Variants in TRPS1 observed in about 807,000 individuals in gnomAD.
The protein encoded by TRPS1 is zinc finger transcription factor Trps1.
Under a neutral mutation model 101.2 loss-of-function variants are expected in TRPS1, and 6 were observed. The ratio of observed to expected loss-of-function variants is 0.06; its 90% CI spans 0.03 to 0.12. The LOEUF (loss-of-function observed/expected upper bound fraction) is 0.12. TRPS1 is among the 10% of genes least tolerant of loss of function. The pLI, the probability that TRPS1 is intolerant of heterozygous loss-of-function variation, is 1.00. For missense variants in TRPS1, 1,363 were observed against 1,567.0 expected (o/e 0.87, Z 2.20); for synonymous variants, 578 against 589.8 (o/e 0.98, Z 0.29).
At chr8:115,526,185 T>C (rs1189329669) in intron 5 of TRPS1, among the ~76,000 whole-genome samples, 1 of 152,162 alleles carries the variant, frequency 6.6e-6, no homozygotes, top group Non-Finnish European at 1.5e-5. Flanking sequence ...AGTGCGTGCC[T>C]GTAATCCCAG....
intron 5 of TRPS1, among the ~76,000 whole-genome samples, chr8:115,431,404 A>ATT (rs1813314909): frequency 6.6e-6 from 1 of 152,040 alleles, no homozygotes; most frequent in African/African-American, 2.4e-5. Flanking sequence ...AAACTCCCTT[A>ATT]TATAAGAAAC....
At chr8:115,646,308 A>G (rs1563667584) in intron 1 of TRPS1, among the ~76,000 whole-genome samples, 1 of 152,172 alleles carries the variant, frequency 6.6e-6, no homozygotes, top group Non-Finnish European at 1.5e-5. Context: ...GACTGGTTTT[A>G]TTCCAACAGA....
At chr8:115,566,789 A>G (rs1488467871) in intron 5 of TRPS1, among the ~76,000 whole-genome samples, 3 of 152,096 alleles carry the variant, frequency 2.0e-5, no homozygotes, top group African/African-American at 4.8e-5. Context: ...TAGTGAGATG[A>G]TATGTTTTCA....
At chr8:115,570,253 G>A (rs758393682) in intron 5 of TRPS1, among the ~76,000 whole-genome samples, 1 of 151,848 alleles carries the variant, frequency 6.6e-6, no homozygotes, top group Non-Finnish European at 1.5e-5. Flanking sequence ...AAGGTTATTG[G>A]AAATAATGCA....
At chr8:115,569,027 G>A (rs1817138345) in intron 5 of TRPS1, among the ~76,000 whole-genome samples, 1 of 152,106 alleles carries the variant, frequency 6.6e-6, no homozygotes, top group Non-Finnish European at 1.5e-5. Context: ...AAGTAACAAA[G>A]TGGAGTTTCA....
intron 5 of TRPS1, among the ~76,000 whole-genome samples, chr8:115,580,698 T>G (rs1433750490): frequency 2.0e-5 from 3 of 152,330 alleles, no homozygotes; most frequent in Non-Finnish European, 2.9e-5. Context: ...CTTCACCTGC[T>G]TTAGAAACCT....
chr8:115,545,460 T>C (rs1181367488), intron 5 of TRPS1, among the ~76,000 whole-genome samples: 34 of 152,180 alleles, frequency 2.2e-4, no homozygotes, highest in Admixed American at 2.2e-3. Context: ...ATATCCCTTC[T>C]TCACTATGCC....
intron 5 of TRPS1, among the ~76,000 whole-genome samples, chr8:115,501,497 A>G (rs1815319595): frequency 6.6e-6 from 1 of 152,192 alleles, no homozygotes; most frequent in African/African-American, 2.4e-5. Flanking sequence ...CTCAATTTCC[A>G]AATTTTTATG....
At chr8:115,640,306 G>A (rs1818866456) in intron 1 of TRPS1, among the ~76,000 whole-genome samples, 1 of 151,990 alleles carries the variant, frequency 6.6e-6, no homozygotes, top group Non-Finnish European at 1.5e-5. Context: ...GTTCATTATG[G>A]GAATGATAAA....
At chr8:115,417,008 G>GT (rs1812938359) in intron 6 of TRPS1, among the ~76,000 whole-genome samples, 1 of 152,006 alleles carries the variant, frequency 6.6e-6, no homozygotes, top group Non-Finnish European at 1.5e-5. Flanking sequence ...TCAATGTATG[G>GT]TTTTTTAAAA....
At chr8:115,667,254 G>T (rs999587896) in intron 1 of TRPS1, among the ~76,000 whole-genome samples, 1 of 152,096 alleles carries the variant, frequency 6.6e-6, no homozygotes, top group Non-Finnish European at 1.5e-5. Flanking sequence ...CCTGGGGAAA[G>T]GGGGAAACAC....
At chr8:115,646,086 T>A (rs1469479455) in intron 1 of TRPS1, among the ~76,000 whole-genome samples, 2 of 152,158 alleles carry the variant, frequency 1.3e-5, no homozygotes, top group Admixed American at 6.5e-5. Context: ...ACTCCCATAG[T>A]TAATGACACA....
chr8:115,642,424 A>T (rs1190199080), intron 1 of TRPS1, among the ~76,000 whole-genome samples: 1 of 152,122 alleles, frequency 6.6e-6, no homozygotes, highest in Non-Finnish European at 1.5e-5. Context: ...AGTATCATTC[A>T]CAGCCTCTGA....
At chr8:115,515,603 G>A (rs1340578779) in intron 5 of TRPS1, among the ~76,000 whole-genome samples, 1 of 151,092 alleles carries the variant, frequency 6.6e-6, no homozygotes, top group African/African-American at 2.4e-5. Context: ...TTTGGTAATT[G>A]TAAAAAGTTA....
chr8:115,468,144 A>T (rs975813128), intron 5 of TRPS1, among the ~76,000 whole-genome samples: 2 of 152,192 alleles, frequency 1.3e-5, no homozygotes, highest in African/African-American at 4.8e-5. Context: ...TAACTCATCA[A>T]GTTCTATATA....
chr8:115,543,409 C>T (rs997325700), intron 5 of TRPS1, among the ~76,000 whole-genome samples: 1 of 152,142 alleles, frequency 6.6e-6, no homozygotes, highest in Non-Finnish European at 1.5e-5. Context: ...TGCCAATTAG[C>T]TTTCAAAAGA....
chr8:115,523,963 A>C (rs1295874384), intron 5 of TRPS1, among the ~76,000 whole-genome samples: 1 of 152,170 alleles, frequency 6.6e-6, no homozygotes, highest in Non-Finnish European at 1.5e-5. Flanking sequence ...CTTCACGAAA[A>C]ATAAAAGAAT....
intron 5 of TRPS1, among the ~76,000 whole-genome samples, chr8:115,579,181 T>C (rs1192271921): frequency 2.6e-5 from 4 of 152,132 alleles, no homozygotes; most frequent in African/African-American, 7.2e-5. Flanking sequence ...AGCTTAATCC[T>C]AGAAACTGAA....
At chr8:115,578,526 C>T (rs1200212204) in intron 5 of TRPS1, among the ~76,000 whole-genome samples, 3 of 151,966 alleles carry the variant, frequency 2.0e-5, no homozygotes, top group Non-Finnish European at 4.4e-5. Context: ...ATGTCTTAAA[C>T]ATACTAGGAT....
Sources: allele counts gnomAD v4.1 joint callset (sites outside exome capture counted in the v4.1 genomes callset), GRCh38; gene constraint gnomAD v4.1.1; transcripts MANE v1.5; gene names NCBI Gene and HGNC (gene_info 2026-07-23, HGNC 2026-07-21).